The following TRMT11 variants were observed in gnomAD, a reference collection of about 807,000 sequenced individuals.
TRMT11 encodes the protein tRNA methyltransferase 11, also known as tRNA (guanine(10)-N(2))-methyltransferase TRMT11.
A neutral mutation model predicts 62.8 loss-of-function variants in TRMT11; 53 were observed. The observed-to-expected ratio is 0.84, with a 90% CI of 0.68 to 1.06. The LOEUF is 1.06. Ranked by LOEUF, TRMT11 falls within the 50% of genes least tolerant of loss-of-function variation. The probability of loss-of-function intolerance (pLI) is 0.00; values close to 1 mark genes in which losing one functional copy is unlikely to be tolerated. For missense variants in TRMT11, 556 were observed against 553.4 expected, an observed-to-expected ratio of 1.00 and a Z score of -0.05; for synonymous variants, 188 against 190.3, an observed-to-expected ratio of 0.99 and a Z score of 0.10.
intron 6 of TRMT11, 49 bp from the exon 7 acceptor site, chr6:125,999,408 A>C (rs1415792308): frequency 4.2e-6 from 6 of 1,435,266 alleles, no homozygotes; most frequent in Non-Finnish European, 5.6e-6. Context: ...TGATTATCTT[A>C]AGTCTATTCT....
rs111789746 is a variant in TRMT11, at chr6:126,029,263, A to G, written c.1260+7983A>G. Among the ~76,000 whole-genome samples, 217 of 152,308 alleles carry G rather than the reference A, an allele frequency of 1.4e-3. 2 individuals carry two copies. Among genetic ancestry groups the G allele is most frequent in the African/African-American group, 4.9e-3 (202 of 41,572 alleles). ...GAGATTTTTAATGCGTATTTTTTACATAAGACATAAATGTACACTTTAGTA... is the reference window on the plus strand; with the variant it reads ...GAGATTTTTAATGCGTATTTTTTACGTAAGACATAAATGTACACTTTAGTA... On this transcript the variant is annotated intron_variant, in intron 12 of 12. Transcript: ENST00000334379.
chr6:126,161,084 T>A (rs1255714320), intron 21 of TRMT11, among the ~76,000 whole-genome samples: 2 of 152,120 alleles, frequency 1.3e-5, no homozygotes, highest in Non-Finnish European at 2.9e-5. Context: ...TTATTATTTT[T>A]AAATATTTTA....
chr6:126,200,896 C>G (rs1287633621), intron 3 of TRMT11, among the ~76,000 whole-genome samples: 2 of 152,164 alleles, frequency 1.3e-5, no homozygotes, highest in Admixed American at 1.3e-4. Flanking sequence ...ATTGGCCTGT[C>G]CTGATTTCTC....
At chr6:126,073,316 A>G (rs571856052) in intron 17 of TRMT11, among the ~76,000 whole-genome samples, 27 of 152,302 alleles carry the variant, frequency 1.8e-4, no homozygotes, top group Admixed American at 5.9e-4. Flanking sequence ...CCTTATGACT[A>G]CTACAATGAG....
chr6:126,137,296 G>A (rs1041209169), intron 21 of TRMT11, among the ~76,000 whole-genome samples: 1 of 151,380 alleles, frequency 6.6e-6, no homozygotes, highest in Admixed American at 6.6e-5. Flanking sequence ...TAACAAAAAA[G>A]CAAGCTAGCA....
At chr6:126,074,582 C>G (rs565576017) in intron 17 of TRMT11, among the ~76,000 whole-genome samples, 17 of 152,216 alleles carry the variant, frequency 1.1e-4, no homozygotes, top group Non-Finnish European at 1.6e-4. Context: ...GCTAGTTAGG[C>G]CATGGGCAAT....
Position 125,999,622 on chromosome 6 carries a change from A to G in TRMT11, c.679+9A>G, listed in dbSNP as rs767276774. The G allele has an allele frequency of 1.9e-6, 3 of 1,603,794 alleles. No homozygotes were observed. In the South Asian group the frequency reaches 3.4e-5, roughly 18 times the overall value. On this transcript the variant is annotated intron_variant, in intron 7 of 12. Transcript: ENST00000334379. ...TCCATTTGTTGGAACAGGTATTTTT[A>G]TTTAACTTTTAAGCTAGTGTAGAGA... is the stretch of plus-strand genomic sequence containing the variant.
At chr6:126,151,395 G>A (rs115412566) in intron 21 of TRMT11, among the ~76,000 whole-genome samples, 1,584 of 152,216 alleles carry the variant, frequency 0.01, 26 homozygotes, top group African/African-American at 0.036. Flanking sequence ...TATTTTTTAA[G>A]AGTTTCCCTT....
the TRMT11 span, among the ~76,000 whole-genome samples, chr6:126,256,726 T>C: frequency 6.6e-6 from 1 of 152,148 alleles, no homozygotes; most frequent in African/African-American, 2.4e-5. Context: ...ATGCTAGCAC[T>C]TCCTTGATAA....
At chr6:126,162,954 T>C (rs1402161575) in intron 21 of TRMT11, among the ~76,000 whole-genome samples, 4 of 152,196 alleles carry the variant, frequency 2.6e-5, no homozygotes, top group African/African-American at 7.2e-5. Flanking sequence ...TAAGGAGATT[T>C]TGGGCTGAGA....
At chr6:126,185,235 C>G (rs1424834455) in intron 1 of TRMT11, among the ~76,000 whole-genome samples, 1 of 152,128 alleles carries the variant, frequency 6.6e-6, no homozygotes, top group African/African-American at 2.4e-5. Flanking sequence ...AGGATAGAGT[C>G]AGTAGGACTA....
chr6:126,260,873 T>C, the TRMT11 span, among the ~76,000 whole-genome samples: 2 of 152,234 alleles, frequency 1.3e-5, no homozygotes, highest in Non-Finnish European at 2.9e-5. Context: ...TCTTTGACTT[T>C]CGACAGTTTG....
chr6:126,245,671 T>C, the TRMT11 span, among the ~76,000 whole-genome samples: 1 of 152,240 alleles, frequency 6.6e-6, no homozygotes, highest in African/African-American at 2.4e-5. Flanking sequence ...GTAACTGAAA[T>C]TGGAAGTGGA....
chr6:126,111,107 G>T (rs60384445), intron 17 of TRMT11, among the ~76,000 whole-genome samples: 1,970 of 152,150 alleles, frequency 0.013, 42 homozygotes, highest in African/African-American at 0.045. Context: ...TGCTTGTGCT[G>T]CATGATCTAA....
At chr6:126,103,047 C>T (rs902351561) in intron 17 of TRMT11, among the ~76,000 whole-genome samples, 1 of 152,164 alleles carries the variant, frequency 6.6e-6, no homozygotes, top group Non-Finnish European at 1.5e-5. Context: ...TGTTACTCCT[C>T]ATCTCTGCCA....
At chr6:126,163,896 C>T (rs1778228074) in intron 21 of TRMT11, among the ~76,000 whole-genome samples, 1 of 152,082 alleles carries the variant, frequency 6.6e-6, no homozygotes, top group African/African-American at 2.4e-5. Context: ...AGCAGTCTAC[C>T]TATTTTGTTA....
chr6:126,050,690 TGTG>T (rs1776190619), intron 16 of TRMT11, among the ~76,000 whole-genome samples: 1 of 147,764 alleles, frequency 6.8e-6, no homozygotes, highest in Non-Finnish European at 1.5e-5. Flanking sequence ...CACAGTGAGA[TGTG>T]GTCTCAAAAA....
intron 1 of TRMT11, among the ~76,000 whole-genome samples, chr6:126,187,538 A>G (rs1778540619): frequency 6.6e-6 from 1 of 152,022 alleles, no homozygotes; most frequent in Non-Finnish European, 1.5e-5. Context: ...ACTGATCTAT[A>G]TGTTCAACTC....
chr6:126,240,359 G>A, the TRMT11 span, among the ~76,000 whole-genome samples: 4 of 152,142 alleles, frequency 2.6e-5, no homozygotes, highest in African/African-American at 9.7e-5. Flanking sequence ...TTTGGTCTTT[G>A]ATGATAGTGA....
Sources: gnomAD v4.1 joint callset for allele counts (sites outside exome capture counted in the v4.1 genomes callset) on GRCh38, gnomAD v4.1.1 for gene constraint, MANE v1.5 for transcripts, NCBI Gene and HGNC (gene_info 2026-07-23, HGNC 2026-07-21) for gene names.